Variants in PGAP1 observed in about 807,000 individuals in gnomAD.
PGAP1 encodes post-GPI attachment to proteins inositol deacylase 1.
PGAP1 carries 76 observed loss-of-function variants against 127.0 expected under a neutral mutation model. The ratio of observed to expected loss-of-function variants is 0.60; its 90% CI spans 0.50 to 0.72. The LOEUF (loss-of-function observed/expected upper bound fraction) is 0.72. Ranked by LOEUF, PGAP1 falls within the 30% of genes least tolerant of loss-of-function variation. PGAP1 has a pLI of 0.00. For synonymous variants in PGAP1, 362 were observed against 366.5 expected, an observed-to-expected ratio of 0.99 and a Z score of 0.14; for missense variants, 982 against 1,071.3, an observed-to-expected ratio of 0.92 and a Z score of 1.16.
At chr2:196,886,485 G>A (rs1422540812) in intron 10 of PGAP1, among the ~76,000 whole-genome samples, 1 of 151,856 alleles carries the variant, frequency 6.6e-6, no homozygotes, top group African/African-American at 2.4e-5. Flanking sequence ...TATCACCTAA[G>A]TATTCCTAAT....
intron 13 of PGAP1, among the ~76,000 whole-genome samples, chr2:196,876,483 A>G (rs1701573361): frequency 6.6e-6 from 1 of 152,112 alleles, no homozygotes; most frequent in Non-Finnish European, 1.5e-5. Context: ...TTGTAGTGAC[A>G]TTTCTTTTTA....
At position 196,846,972 on chromosome 2, in the gene PGAP1, A is replaced by G. The variant is rs763100728; in HGVS notation, c.2150+31T>C. On this transcript the variant is annotated intron_variant, in intron 22 of 26. Coordinates refer to ENST00000354764, the MANE Select transcript of PGAP1 (RefSeq NM_024989.4). ...AGAATATATATTTCTTCTTAAAGCA[A>G]TAAGAAAGCTGTTAATCATTCATTC... The G allele has an allele frequency of 1.7e-5, 26 of 1,526,584 alleles. No homozygotes were observed. The East Asian group carries it at 5.6e-4, about 33-fold the overall frequency. 94.6% of individuals were successfully genotyped at this position (1,526,584 alleles called of 1,614,324 possible).
intron 3 of PGAP1, among the ~76,000 whole-genome samples, chr2:196,913,715 C>T (rs550267251): frequency 6.6e-6 from 1 of 152,304 alleles, no homozygotes; most frequent in African/African-American, 2.4e-5. Flanking sequence ...AATGAATAGA[C>T]TGAATCTTGT....
At chr2:196,865,792 C>T (rs1341094369) in intron 19 of PGAP1, among the ~76,000 whole-genome samples, 3 of 152,000 alleles carry the variant, frequency 2.0e-5, no homozygotes, top group Non-Finnish European at 4.4e-5. Flanking sequence ...CTATAAAATA[C>T]ATATAATAAC....
At chr2:196,896,634 T>G (rs1702281868) in intron 7 of PGAP1, among the ~76,000 whole-genome samples, 1 of 151,872 alleles carries the variant, frequency 6.6e-6, no homozygotes, top group African/African-American at 2.4e-5. Context: ...TCACCTGAGG[T>G]CAGGAGTTTG....
chr2:196,862,440 T>C (rs946659393), intron 20 of PGAP1, among the ~76,000 whole-genome samples: 15 of 152,326 alleles, frequency 9.8e-5, no homozygotes, highest in Middle Eastern at 3.4e-3. Context: ...CCCGGTCCTG[T>C]GGTCCTGTGA....
intron 20 of PGAP1, among the ~76,000 whole-genome samples, chr2:196,860,778 G>A (rs1315333710): frequency 6.6e-6 from 1 of 152,126 alleles, no homozygotes; most frequent in Non-Finnish European, 1.5e-5. Context: ...GCAATGTCTA[G>A]ATTCAATGAA....
rs954300248 is a variant in PGAP1 at position 196,853,369 on chromosome 2, T to A, written c.1862-5332A>T. ...ATTCTATATTCTTGGCTTTTCTTGA[T>A]ACATCTCAATTGTTCCATGTAATCA... On this transcript the variant is annotated intron_variant, in intron 20 of 26. Transcript: ENST00000354764. 5.6e-4 allele frequency among the ~76,000 whole-genome samples: 85 copies of A among 152,270 alleles called. 6 individuals carry two copies.
chr2:196,856,840 A>G (rs1323949547), intron 20 of PGAP1, among the ~76,000 whole-genome samples: 2 of 152,218 alleles, frequency 1.3e-5, no homozygotes, highest in Non-Finnish European at 2.9e-5. Flanking sequence ...TTCATGGTTC[A>G]AAACTATTAT....
chr2:196,871,859 T>C (rs1375183056), intron 18 of PGAP1, among the ~76,000 whole-genome samples: 1 of 152,132 alleles, frequency 6.6e-6, no homozygotes, highest in African/African-American at 2.4e-5. Flanking sequence ...AAATGAGTAC[T>C]TTAACCACTT....
At chr2:196,921,657 T>C (rs1018277223) in intron 1 of PGAP1, among the ~76,000 whole-genome samples, 3 of 152,102 alleles carry the variant, frequency 2.0e-5, no homozygotes, top group Admixed American at 6.6e-5. Context: ...AAAGAAATAT[T>C]TAATTTTCTT....
At chr2:196,861,616 G>C (rs199651602) in intron 20 of PGAP1, among the ~76,000 whole-genome samples, 1 of 152,050 alleles carries the variant, frequency 6.6e-6, no homozygotes, top group Non-Finnish European at 1.5e-5. Flanking sequence ...CAGGCAGATC[G>C]CCTGAGGTCA....
intron 20 of PGAP1, among the ~76,000 whole-genome samples, chr2:196,864,063 T>C (rs1004483204): frequency 6.6e-6 from 1 of 151,996 alleles, no homozygotes; most frequent in African/African-American, 2.4e-5. Flanking sequence ...CAATTATGTA[T>C]CAACCAAATA....
At chr2:196,916,282 T>A in intron 3 of PGAP1, 136 bp downstream of exon 3, 1 of 642,764 alleles carries the variant, frequency 1.6e-6, no homozygotes, top group East Asian at 3.3e-5. Flanking sequence ...GACAACAGAC[T>A]CTCACAAAAA....
At chr2:196,857,018 G>A (rs1700907179) in intron 20 of PGAP1, among the ~76,000 whole-genome samples, 1 of 152,076 alleles carries the variant, frequency 6.6e-6, no homozygotes, top group African/African-American at 2.4e-5. Flanking sequence ...AGTTGTGAAT[G>A]GGATTGCCTT....
chr2:196,926,442 C>T, intron 1 of PGAP1, 28 bp downstream of exon 1: 3 of 1,613,460 alleles, frequency 1.9e-6, no homozygotes, highest in Non-Finnish European at 8.5e-7. Flanking sequence ...TCTTGGAGCG[C>T]CCGGCTGAGG....
chr2:196,846,649 C>T (rs1186610594), intron 22 of PGAP1, among the ~76,000 whole-genome samples: 1 of 152,146 alleles, frequency 6.6e-6, no homozygotes, highest in East Asian at 1.9e-4. Flanking sequence ...ATCTGGTTTA[C>T]AGTCTCTTGC....
Position 196,926,533 on chromosome 2 carries a change from G to C in PGAP1, c.84C>G (p.Val28=), listed in dbSNP as rs144502622. The change falls in exon 1 of 27, where the codon GTC becomes GTG. Residue 28 remains valine (V), a synonymous_variant. Coordinates refer to ENST00000354764, the MANE Select transcript of PGAP1 (RefSeq NM_024989.4). ...ACTTATTCTCCTCGAAGCCGAAGAA[G>C]ACATCCCACAGCCCCAGGGTTGCCA... ...VFLATLGLWD[V]FFGFEENKCS... 7 of 1,612,802 alleles carry C rather than the reference G, an allele frequency of 4.3e-6. No homozygotes were observed. The South Asian group carries it at 7.7e-5, about 18-fold the overall frequency.
At chr2:196,846,096 T>A in intron 22 of PGAP1, 79 bp from the exon 23 acceptor site, 1 of 824,648 alleles carries the variant, frequency 1.2e-6, no homozygotes, top group Non-Finnish European at 1.7e-6. Context: ...AACAATATAG[T>A]ACCCTCCCAG....
Sources: allele counts gnomAD v4.1 joint callset (sites outside exome capture counted in the v4.1 genomes callset), GRCh38; gene constraint gnomAD v4.1.1; transcripts MANE v1.5; gene names NCBI Gene and HGNC (gene_info 2026-07-23, HGNC 2026-07-21).